The following ATF7IP variants were observed in gnomAD, a reference collection of about 807,000 sequenced individuals.
The protein encoded by ATF7IP is activating transcription factor 7 interacting protein.
Under a neutral mutation model 106.4 loss-of-function variants are expected in ATF7IP, and 23 were observed. The observed-to-expected ratio is 0.22, with a 90% CI of 0.16 to 0.31. ATF7IP has a LOEUF of 0.31. Ranked by LOEUF, ATF7IP falls within the 10% of genes least tolerant of loss-of-function variation. The pLI is 1.00. For synonymous variants in ATF7IP, 542 were observed against 539.0 expected (o/e 1.01, Z -0.08); for missense variants, 1,334 against 1,524.3 (o/e 0.88, Z 2.08).
intron 1 of ATF7IP, among the ~76,000 whole-genome samples, chr12:14,396,974 A>G (rs1224138467): frequency 6.6e-6 from 1 of 152,128 alleles, no homozygotes; most frequent in Non-Finnish European, 1.5e-5. Flanking sequence ...CAGCCTGACT[A>G]ACATGGTGAA....
At chr12:14,483,429 G>A (rs1488145587) in intron 13 of ATF7IP, among the ~76,000 whole-genome samples, 1 of 152,066 alleles carries the variant, frequency 6.6e-6, no homozygotes, top group African/African-American at 2.4e-5. Flanking sequence ...CTAGCCTGTT[G>A]ACTTAAAGGT....
At chr12:14,428,350 C>T (rs963976507) in intron 2 of ATF7IP, among the ~76,000 whole-genome samples, 3 of 152,152 alleles carry the variant, frequency 2.0e-5, no homozygotes, top group African/African-American at 7.2e-5. Context: ...TGATGGTATG[C>T]TATTAGCAGG....
intron 10 of ATF7IP, among the ~76,000 whole-genome samples, chr12:14,471,963 C>T (rs1002270548): frequency 1.3e-5 from 2 of 152,108 alleles, no homozygotes; most frequent in Admixed American, 6.5e-5. Context: ...CAATGATGCT[C>T]TTGGAGGAAT....
At chr12:14,369,404 G>T (rs71459147) in intron 1 of ATF7IP, 1 of 152,156 alleles carries the variant, frequency 6.6e-6, no homozygotes, top group African/African-American at 2.4e-5. Flanking sequence ...TCACAGGCTG[G>T]AGTGCAGTGG....
intron 6 of ATF7IP, among the ~76,000 whole-genome samples, chr12:14,456,171 A>G (rs1239979646): frequency 6.6e-6 from 1 of 152,204 alleles, no homozygotes; most frequent in Non-Finnish European, 1.5e-5. Flanking sequence ...GATGCCTGCT[A>G]CATAGTAGGC....
At chr12:14,377,609 CCTTT>C (rs1184982787) in intron 1 of ATF7IP, among the ~76,000 whole-genome samples, 7 of 151,188 alleles carry the variant, frequency 4.6e-5, no homozygotes, top group African/African-American at 1.2e-4. Flanking sequence ...CCGCGCCCGG[CCTTT>C]CTTTCTTTCT....
chr12:14,424,366 T>C lies in ATF7IP; in HGVS notation c.451T>C (p.Ser151Pro), dbSNP rs1565498403. Reference protein sequence around the residue: ...AGDPASGVLASGDSTSGDPTS... With the variant: ...AGDPASGVLAPGDSTSGDPTS... ...AGATCCAGCCTCCGGAGTACTGGCCTCTGGTGATTCCACCTCTGGTGATCC... is the reference window on the plus strand; with the variant it reads ...AGATCCAGCCTCCGGAGTACTGGCCCCTGGTGATTCCACCTCTGGTGATCC... Residue 151 changes from serine (S) to proline (P), a missense_variant, in exon 2 of 15, where the codon TCT becomes CCT. Ser to Pro is a moderately conservative substitution (Grantham distance 74, BLOSUM62 -1). Coordinates refer to ENST00000261168, the MANE Select transcript of ATF7IP (RefSeq NM_018179.5). 6.2e-7 allele frequency: 1 copy of C among 1,614,150 alleles called. No homozygotes were observed. The highest frequency in any genetic ancestry group is 1.7e-5 in the Admixed American group (1 of 60,026).
At chr12:14,378,563 T>C (rs1195131891) in intron 1 of ATF7IP, among the ~76,000 whole-genome samples, 1 of 152,240 alleles carries the variant, frequency 6.6e-6, no homozygotes, top group Non-Finnish European at 1.5e-5. Flanking sequence ...GGGTTAGAGA[T>C]AGATTGAGAT....
intron 5 of ATF7IP, among the ~76,000 whole-genome samples, chr12:14,442,057 C>G (rs1009192801): frequency 6.6e-6 from 1 of 152,090 alleles, no homozygotes; most frequent in Non-Finnish European, 1.5e-5. Flanking sequence ...TGCAATTTTA[C>G]TTTTCTTCTA....
intron 2 of ATF7IP, among the ~76,000 whole-genome samples, chr12:14,427,513 G>A (rs562313582): frequency 5.4e-4 from 82 of 152,120 alleles, no homozygotes; most frequent in African/African-American, 1.9e-3. Flanking sequence ...TTATAGGTGC[G>A]CGACACCACG....
At chr12:14,460,123 A>T (rs1215194243) in intron 8 of ATF7IP, among the ~76,000 whole-genome samples, 1 of 152,194 alleles carries the variant, frequency 6.6e-6, no homozygotes, top group Admixed American at 6.5e-5. Flanking sequence ...AGGCATTTAT[A>T]ATGTTTTTAA....
At chr12:14,456,092 A>G (rs1459870014) in intron 6 of ATF7IP, among the ~76,000 whole-genome samples, 2 of 152,186 alleles carry the variant, frequency 1.3e-5, no homozygotes, top group Admixed American at 6.5e-5. Context: ...TTTTTAAAAA[A>G]CAACTTAAAA....
At chr12:14,370,421 C>T (rs916739051) in intron 1 of ATF7IP, among the ~76,000 whole-genome samples, 1 of 151,976 alleles carries the variant, frequency 6.6e-6, no homozygotes, top group Non-Finnish European at 1.5e-5. Context: ...AGTGCTATAT[C>T]CTATATAAAA....
chr12:14,475,313 C>T lies in ATF7IP; in HGVS notation c.2863-577C>T, dbSNP rs536405668. ...GAGTCCTGGCTCTTTAGGTTTATGT[C>T]GTCTTACCTTCCTTTTTGGTTGCTG... On this transcript the variant is annotated intron_variant, in intron 10 of 14. Coordinates refer to ENST00000261168, the MANE Select transcript of ATF7IP (RefSeq NM_018179.5). Among the ~76,000 whole-genome samples the T allele has an allele frequency of 2.1e-4, 32 of 152,242 alleles. No homozygotes were observed. In the East Asian group the frequency reaches 6.0e-3, roughly 28 times the overall value.
At chr12:14,489,062 A>G (rs940809677) in intron 13 of ATF7IP, among the ~76,000 whole-genome samples, 2 of 151,976 alleles carry the variant, frequency 1.3e-5, no homozygotes, top group African/African-American at 2.4e-5. Context: ...CAAGCACCTC[A>G]TCTGGTAGTG....
intron 6 of ATF7IP, among the ~76,000 whole-genome samples, chr12:14,448,228 A>G (rs767106727): frequency 2.3e-4 from 35 of 152,100 alleles, no homozygotes; most frequent in Admixed American, 1.3e-4. Flanking sequence ...TTTTGCAGCA[A>G]TAGTACATAG....
intron 1 of ATF7IP, among the ~76,000 whole-genome samples, chr12:14,370,396 T>C (rs1436069780): frequency 1.3e-5 from 2 of 152,246 alleles, no homozygotes; most frequent in Non-Finnish European, 2.9e-5. Flanking sequence ...GTACACAATT[T>C]AAATATGTGT....
intron 13 of ATF7IP, among the ~76,000 whole-genome samples, chr12:14,490,148 G>A (rs1944764301): frequency 6.6e-6 from 1 of 152,190 alleles, no homozygotes; most frequent in Admixed American, 6.5e-5. Context: ...CTCCATTACT[G>A]CCACCATGGC....
chr12:14,497,595 A>G (rs1046417818), intron 14 of ATF7IP, 59 bp from the exon 15 acceptor site: 1 of 1,489,428 alleles, frequency 6.7e-7, no homozygotes, highest in Admixed American at 2.1e-5. Flanking sequence ...TTTTAATTCT[A>G]ACATTCTAAA....
Sources: gnomAD v4.1 joint callset for allele counts (sites outside exome capture counted in the v4.1 genomes callset) on GRCh38, gnomAD v4.1.1 for gene constraint, MANE v1.5 for transcripts, NCBI Gene and HGNC (gene_info 2026-07-23, HGNC 2026-07-21) for gene names.